CEP164: variants seen among roughly 807,000 people sequenced by gnomAD.
CEP164 encodes the protein centrosomal protein of 164 kDa.
CEP164 carries 162 observed loss-of-function variants against 182.7 expected under a neutral mutation model. The observed-to-expected ratio is 0.89, with a 90% CI of 0.78 to 1.01. The LOEUF is 1.01. Ranked by LOEUF, CEP164 falls within the 50% of genes least tolerant of loss-of-function variation. The probability of loss-of-function intolerance (pLI) is 0.00; values close to 1 mark genes in which losing one functional copy is unlikely to be tolerated. For missense variants in CEP164, 1,735 were observed against 1,790.4 expected (o/e 0.97, Z 0.56); for synonymous variants, 661 against 690.0 (o/e 0.96, Z 0.66).
At chr11:117,344,860 G>A (rs1049953148) in intron 4 of CEP164, among the ~76,000 whole-genome samples, 2 of 152,094 alleles carry the variant, frequency 1.3e-5, no homozygotes, top group East Asian at 1.9e-4. Flanking sequence ...CCTGGGAGGC[G>A]GAGGTTGCAG....
intron 5 of CEP164, among the ~76,000 whole-genome samples, chr11:117,352,834 G>A (rs188809029): frequency 1.5e-3 from 232 of 152,258 alleles, no homozygotes; most frequent in African/African-American, 4.0e-3. Flanking sequence ...TGATCCACCC[G>A]CCTCAGCCTC....
At chr11:117,392,205 A>C in intron 17 of CEP164, 21 bp from the exon 18 acceptor site, 1 of 1,551,618 alleles carries the variant, frequency 6.4e-7, no homozygotes. Flanking sequence ...CTTCACTCAC[A>C]GTCCCTTTGC....
At chr11:117,339,810 G>A (rs1032852832) in intron 3 of CEP164, among the ~76,000 whole-genome samples, 7 of 151,654 alleles carry the variant, frequency 4.6e-5, no homozygotes, top group Non-Finnish European at 8.8e-5. Context: ...GATTACAGGC[G>A]GGAGACACCA....
Position 117,382,843 on chromosome 11 carries a change from A to G in CEP164, c.1625A>G (p.Gln542Arg), listed in dbSNP as rs1306049908. ...GCTGCCTGTGAGAAGGGCAAGGAGC[A>G]GCATTCCCAGGCCGAGGAGCTGGGC... is the stretch of plus-strand genomic sequence containing the variant. ...PPAACEKGKE[Q>R]HSQAEELGPG... Residue 542 changes from glutamine to arginine, a missense_variant, in exon 14 of 33, where the codon CAG becomes CGG. Gln to Arg is a conservative substitution (Grantham distance 43). Coordinates refer to ENST00000278935, the MANE Select transcript of CEP164 (RefSeq NM_014956.5). 3.1e-6 allele frequency: 5 copies of G among 1,614,050 alleles called. No individual in the cohort carries two copies. The highest frequency in any genetic ancestry group is 1.1e-5 in the South Asian group (1 of 91,086).
At chr11:117,336,674 G>C in intron 2 of CEP164, 2 of 879,172 alleles carry the variant, frequency 2.3e-6, no homozygotes, top group East Asian at 2.4e-5. Context: ...GCCTGGGCTT[G>C]ATGCGTTCTA....
At chr11:117,337,510 T>TTA (rs2037361627) in intron 2 of CEP164, among the ~76,000 whole-genome samples, 1 of 128,882 alleles carries the variant, frequency 7.8e-6, no homozygotes, top group African/African-American at 2.9e-5. Context: ...ACCATCTCTG[T>TTA]AAAAAAAAAA....
At chr11:117,406,788 G>A (rs902627295) in intron 27 of CEP164, among the ~76,000 whole-genome samples, 1 of 152,126 alleles carries the variant, frequency 6.6e-6, no homozygotes, top group Non-Finnish European at 1.5e-5. Flanking sequence ...TGGATCACCT[G>A]GGCCCTTAGA....
chr11:117,402,550 T>C (rs529073426), intron 27 of CEP164, among the ~76,000 whole-genome samples: 1 of 152,322 alleles, frequency 6.6e-6, no homozygotes, highest in Admixed American at 6.5e-5. Flanking sequence ...GAGTTCCAAT[T>C]TGATTGCACT....
rs967985129 is a variant in CEP164, at chr11:117,403,496, G to A, written c.3502-4429G>A. On this transcript the variant is annotated intron_variant, in intron 27 of 32. Coordinates refer to ENST00000278935, the MANE Select transcript of CEP164 (RefSeq NM_014956.5). ...GAATATTGGCCCCCACTCTCTTCTA[G>A]CTTGTAGGGTTTCTGCAGAGAGATC... 2.0e-5 allele frequency among the ~76,000 whole-genome samples: 3 copies of A among 152,208 alleles called. No individual in the cohort carries two copies. In the South Asian group the frequency reaches 6.2e-4, roughly 32 times the overall value.
chr11:117,323,279 C>A (rs2134524074), upstream of CEP164, among the ~76,000 whole-genome samples: 1 of 152,114 alleles, frequency 6.6e-6, no homozygotes, highest in South Asian at 2.1e-4. Flanking sequence ...ATCTGGTAAC[C>A]ACTGTTCTAC....
chr11:117,323,910 TA>T, upstream of CEP164: 1 of 377,668 alleles, frequency 2.6e-6, no homozygotes, highest in Non-Finnish European at 5.5e-6. Flanking sequence ...AAATGTCTTT[TA>T]AGGCAGTTTG....
intron 2 of CEP164, chr11:117,336,411 C>A (rs765018532): frequency 3.5e-5 from 49 of 1,393,720 alleles, no homozygotes; most frequent in Non-Finnish European, 4.5e-5. Flanking sequence ...GGTGGGGACC[C>A]GAGGATTGGC....
At chr11:117,336,790 G>A (rs1197297325) in intron 2 of CEP164, among the ~76,000 whole-genome samples, 1 of 151,946 alleles carries the variant, frequency 6.6e-6, no homozygotes, top group African/African-American at 2.4e-5. Context: ...AGTGGGGACT[G>A]GAGAGGTCAG....
intron 1 of CEP164, among the ~76,000 whole-genome samples, chr11:117,332,331 T>G (rs957892688): frequency 2.6e-5 from 4 of 151,972 alleles, no homozygotes; most frequent in African/African-American, 7.3e-5. Flanking sequence ...TCCCAGCACT[T>G]TGGGAGGCCG....
At chr11:117,392,824 G>T (rs1049213768) in intron 19 of CEP164, among the ~76,000 whole-genome samples, 180 bp from the exon 20 acceptor site, 1 of 152,196 alleles carries the variant, frequency 6.6e-6, no homozygotes, top group Non-Finnish European at 1.5e-5. Flanking sequence ...GTATGCATGT[G>T]GGGAGGGGGT....
chr11:117,328,941 C>A (rs2035769346), intron 1 of CEP164, among the ~76,000 whole-genome samples: 1 of 152,192 alleles, frequency 6.6e-6, no homozygotes, highest in Admixed American at 6.5e-5. Context: ...CCTCTTAATT[C>A]CCCTAGAATC....
intron 10 of CEP164, among the ~76,000 whole-genome samples, chr11:117,374,962 C>T (rs984953466): frequency 6.6e-6 from 1 of 152,174 alleles, no homozygotes; most frequent in African/African-American, 2.4e-5. Flanking sequence ...GGATCGTGGG[C>T]CTGTGGCAGC....
chr11:117,390,055 G>A (rs994270219), intron 15 of CEP164, among the ~76,000 whole-genome samples: 25 of 147,318 alleles, frequency 1.7e-4, no homozygotes, highest in African/African-American at 6.3e-4. Context: ...CAATTCTCCT[G>A]TCTCAGCCTC....
intron 24 of CEP164, 90 bp downstream of exon 24, chr11:117,395,812 G>C (rs2045358904): frequency 7.0e-7 from 1 of 1,438,332 alleles, no homozygotes; most frequent in African/African-American, 1.4e-5. Context: ...AGTTAATAGG[G>C]AGAGGTGGAG....
Sources: allele counts gnomAD v4.1 joint callset (sites outside exome capture counted in the v4.1 genomes callset), GRCh38; gene constraint gnomAD v4.1.1; transcripts MANE v1.5; gene names NCBI Gene and HGNC (gene_info 2026-07-23, HGNC 2026-07-21).